PLEKHA6: variants seen among roughly 807,000 people sequenced by gnomAD.
PLEKHA6 encodes the protein pleckstrin homology domain containing A6.
Under a neutral mutation model 116.7 loss-of-function variants are expected in PLEKHA6, and 60 were observed. The observed-to-expected ratio is 0.51, with a 90% CI of 0.42 to 0.64. PLEKHA6 has a LOEUF of 0.64. Ranked by LOEUF, PLEKHA6 falls within the 30% of genes least tolerant of loss-of-function variation. The pLI is 0.00. For synonymous variants in PLEKHA6, 489 were observed against 556.1 expected (o/e 0.88, Z 1.70); for missense variants, 1,338 against 1,422.7 (o/e 0.94, Z 0.96).
chr1:204,243,367 C>G, intron 15 of PLEKHA6: 1 of 398,900 alleles, frequency 2.5e-6, no homozygotes, highest in East Asian at 3.6e-5. Context: ...TTGCTGGAGA[C>G]CTGGGTGGGC....
In PLEKHA6 at chr1:204,228,182, G is replaced by C. The variant is rs1463339506; in HGVS notation, c.2932C>G (p.Pro978Ala). 1.2e-6 allele frequency: 2 copies of C among 1,612,880 alleles called. No individual in the cohort carries two copies. Among genetic ancestry groups the C allele is most frequent in the Admixed American group, 1.7e-5 (1 of 59,942 alleles). The change falls in exon 21 of 23, where the codon CCC becomes GCC. Residue 978 changes from proline (P) to alanine (A), a missense_variant. Physicochemically the swap from Pro to Ala is conservative, Grantham distance 27 (BLOSUM62 -1). Coordinates refer to ENST00000272203, the MANE Select transcript of PLEKHA6 (RefSeq NM_014935.5). The surrounding 1 kb of genome is among the most constrained non-coding windows in gnomAD (Gnocchi z 4.0). ...TGCAGCTGGCTCTCTGAGTCCTGGG[G>C]CACGTCCACAGAGTCCCCCTCGCCG... ...PIGEGDSVDV[P>A]QDSESQLQEQ...
chr1:204,350,252 T>TTG (rs1458452806), intron 1 of PLEKHA6, among the ~76,000 whole-genome samples: 11 of 151,866 alleles, frequency 7.2e-5, no homozygotes, highest in African/African-American at 2.7e-4. Context: ...GCCAGGGAGG[T>TTG]CAAGGCTGCA....
At chr1:204,345,820 G>T (rs919306947) in intron 1 of PLEKHA6, among the ~76,000 whole-genome samples, 13 of 152,126 alleles carry the variant, frequency 8.5e-5, no homozygotes, top group South Asian at 2.1e-4. Context: ...TGAGTCACTT[G>T]ACCTTAATGG....
rs1571828769 is a variant in PLEKHA6 at position 204,241,881 on chromosome 1, G to A, written c.2173-67C>T. 1.9e-6 allele frequency: 3 copies of A among 1,544,504 alleles called. No homozygotes were observed. In the East Asian group the frequency reaches 6.7e-5, roughly 35 times the overall value. On this transcript the variant is annotated intron_variant, in intron 15 of 22. Transcript: ENST00000272203. ...TGTCAGGAACTTGGCCCCCAGTGAT[G>A]TTTCTTTGTTTTTTAATGGTTGAAG...
At chr1:204,290,962 G>A (rs552292436) in intron 1 of PLEKHA6, among the ~76,000 whole-genome samples, 23 of 146,240 alleles carry the variant, frequency 1.6e-4, no homozygotes, top group African/African-American at 4.0e-4. Context: ...GCATAGCAGC[G>A]TGGGTGACAG....
In PLEKHA6 at chr1:204,354,852, C is replaced by T. The variant is rs147470511; in HGVS notation, c.-95+4842G>A. Among the ~76,000 whole-genome samples, 204 of 152,370 alleles carry T rather than the reference C, an allele frequency of 1.3e-3. 1 individual carries two copies. Among genetic ancestry groups the T allele is most frequent in the African/African-American group, 4.8e-3 (198 of 41,574 alleles). ...AGATTTGACAAGGGAGAAATCAAGA[C>T]AGGATGTGCACACGGCCGTGCAGGG... On this transcript the variant is annotated intron_variant, in intron 1 of 22. Coordinates refer to ENST00000272203, the MANE Select transcript of PLEKHA6 (RefSeq NM_014935.5).
At chr1:204,368,817 T>A (rs914392401) in intron 2 of PLEKHA6, 1 of 152,114 alleles carries the variant, frequency 6.6e-6, no homozygotes, top group Non-Finnish European at 1.5e-5. Context: ...GGAAAACAGG[T>A]GGGGATTCTC....
intron 1 of PLEKHA6, among the ~76,000 whole-genome samples, chr1:204,329,154 A>T (rs1672357323): frequency 6.6e-6 from 1 of 152,246 alleles, no homozygotes. Flanking sequence ...CATTAATTTG[A>T]TTAAACATGG....
At chr1:204,250,674 G>A in intron 9 of PLEKHA6, 60 bp from the exon 10 acceptor site, 1 of 1,136,942 alleles carries the variant, frequency 8.8e-7, no homozygotes, top group Non-Finnish European at 1.3e-6. Flanking sequence ...GCAGGGATAG[G>A]AAGCTAACAT....
intron 9 of PLEKHA6, 57 bp from the exon 10 acceptor site, chr1:204,250,671 T>C (rs974184232): frequency 1.7e-6 from 2 of 1,181,910 alleles, no homozygotes; most frequent in Non-Finnish European, 2.5e-6. Flanking sequence ...TATGCAGGGA[T>C]AGGAAGCTAA....
At chr1:204,341,346 A>G (rs1672839885) in intron 1 of PLEKHA6, among the ~76,000 whole-genome samples, 1 of 152,196 alleles carries the variant, frequency 6.6e-6, no homozygotes, top group African/African-American at 2.4e-5. Flanking sequence ...TGTGGGGGAA[A>G]GGGTAGGGGC....
At chr1:204,232,749 C>A (rs1408332659) in intron 17 of PLEKHA6, among the ~76,000 whole-genome samples, 2 of 152,006 alleles carry the variant, frequency 1.3e-5, no homozygotes, top group Non-Finnish European at 2.9e-5. Flanking sequence ...GATGCAGAGG[C>A]AGGGTCCAAA....
At chr1:204,312,493 G>T (rs966013520) in intron 1 of PLEKHA6, among the ~76,000 whole-genome samples, 1 of 152,186 alleles carries the variant, frequency 6.6e-6, no homozygotes. Context: ...CCTTGCTTGG[G>T]TCTGGCTCCA....
intron 1 of PLEKHA6, among the ~76,000 whole-genome samples, chr1:204,308,591 T>A (rs560491600): frequency 1.3e-4 from 20 of 151,770 alleles, no homozygotes; most frequent in Admixed American, 3.3e-4. Context: ...GTAACATGTA[T>A]ACAGGGGCAC....
chr1:204,249,410 T>C, intron 10 of PLEKHA6, 146 bp from the exon 11 acceptor site: 1 of 629,294 alleles, frequency 1.6e-6, no homozygotes. Flanking sequence ...ACCTTGCCCT[T>C]GGTGGCTCCT....
At chr1:204,225,987 C>T (rs954688231) in intron 21 of PLEKHA6, among the ~76,000 whole-genome samples, 4 of 152,236 alleles carry the variant, frequency 2.6e-5, no homozygotes, top group African/African-American at 9.6e-5. Context: ...CAGCATTCCT[C>T]ACTGATTACT....
intron 1 of PLEKHA6, 93 bp downstream of exon 1, chr1:204,359,601 G>A: frequency 1.0e-6 from 1 of 985,366 alleles, no homozygotes; most frequent in Non-Finnish European, 1.2e-6. Flanking sequence ...AAGCAGCCCA[G>A]GCTCACGCGG....
intron 15 of PLEKHA6, among the ~76,000 whole-genome samples, chr1:204,243,650 C>CCA (rs1663173142): frequency 6.6e-6 from 1 of 152,132 alleles, no homozygotes; most frequent in Non-Finnish European, 1.5e-5. Flanking sequence ...GGTTTAGGCC[C>CCA]CACTGTCTGT....
rs145806986 is a variant in PLEKHA6, at chr1:204,259,742, T to C, written c.525-2A>G. On this transcript the variant is annotated splice_acceptor_variant, in intron 7 of 22. Coordinates refer to ENST00000272203, the MANE Select transcript of PLEKHA6 (RefSeq NM_014935.5). LOFTEE classifies it high-confidence loss of function. The surrounding 1 kb of genome is among the most constrained non-coding windows in gnomAD (Gnocchi z 4.6). ...TTCTCCGAGTCTGGCTTCTCATGGC[T>C]GCAGGATGCCAAGGGAGATGCTGTC... The C allele has an allele frequency of 1.2e-5, 20 of 1,606,748 alleles. No individual in the cohort carries two copies. Among genetic ancestry groups the C allele is most frequent in the Non-Finnish European group, 1.5e-5 (18 of 1,176,148 alleles).
Sources: allele counts gnomAD v4.1 joint callset (sites outside exome capture counted in the v4.1 genomes callset), GRCh38; gene constraint gnomAD v4.1.1; non-coding constraint Gnocchi (gnomAD v3.1); transcripts MANE v1.5; gene names NCBI Gene and HGNC (gene_info 2026-07-23, HGNC 2026-07-21).